MTUS2: variants seen among roughly 807,000 people sequenced by gnomAD.
MTUS2 encodes the protein microtubule associated scaffold protein 2.
MTUS2 carries 40 observed loss-of-function variants against 114.1 expected under a neutral mutation model. The observed-to-expected ratio is 0.35, with a 90% CI of 0.27 to 0.46. The LOEUF is 0.46. Among genes scored for constraint, MTUS2 ranks in the 20% least tolerant of loss-of-function variants. The probability of loss-of-function intolerance (pLI) is 1.00; values close to 1 mark genes in which losing one functional copy is unlikely to be tolerated. For synonymous variants in MTUS2, 688 were observed against 672.0 expected, an observed-to-expected ratio of 1.02 and a Z score of -0.37; for missense variants, 1,679 against 1,705.4, an observed-to-expected ratio of 0.98 and a Z score of 0.27.
Position 29,474,018 on chromosome 13 carries a change from A to G in MTUS2, c.3185-6132A>G, listed in dbSNP as rs186010080. 1.6e-3 allele frequency among the ~76,000 whole-genome samples: 246 copies of G among 152,330 alleles called. 2 individuals carry two copies. The highest frequency in any genetic ancestry group is 2.9e-3 in the Non-Finnish European group (200 of 68,032). ...ATTTCTTTAGGGACTCCATTATTGGAGCCATTTCCCCTGGTGCCAGCTGCT... is the reference window on the plus strand; with the variant it reads ...ATTTCTTTAGGGACTCCATTATTGGGGCCATTTCCCCTGGTGCCAGCTGCT... On this transcript the variant is annotated intron_variant, in intron 9 of 15. Transcript: ENST00000612955.
chr13:29,290,546 G>A (rs1188624640), intron 6 of MTUS2, among the ~76,000 whole-genome samples: 1 of 152,036 alleles, frequency 6.6e-6, no homozygotes, highest in Non-Finnish European at 1.5e-5. Flanking sequence ...TAGCCAGGAT[G>A]GTCTCGATCT....
chr13:28,960,527 A>T (rs1241958488), intron 2 of MTUS2, among the ~76,000 whole-genome samples: 1 of 152,248 alleles, frequency 6.6e-6, no homozygotes, highest in Non-Finnish European at 1.5e-5. Context: ...AGCCATAAAA[A>T]ATGAGGTATT....
At chr13:28,901,789 T>C (rs1406387073) in intron 2 of MTUS2, among the ~76,000 whole-genome samples, 1 of 152,134 alleles carries the variant, frequency 6.6e-6, no homozygotes, top group Non-Finnish European at 1.5e-5. Context: ...ATAGATAGAG[T>C]AGTTCTTCCT....
chr13:29,218,150 C>CAAACA (rs1555253134), intron 5 of MTUS2, among the ~76,000 whole-genome samples: 1 of 145,414 alleles, frequency 6.9e-6, no homozygotes, highest in African/African-American at 2.5e-5. Context: ...CAAAACAAAA[C>CAAACA]AAAAAAAAAA....
chr13:29,092,537 T>C (rs555203829), intron 4 of MTUS2, among the ~76,000 whole-genome samples: 11 of 152,304 alleles, frequency 7.2e-5, no homozygotes, highest in Admixed American at 5.9e-4. Flanking sequence ...AGTAACCTTA[T>C]TCATCTTGGA....
At chr13:29,329,178 A>G (rs1201800999) in intron 7 of MTUS2, among the ~76,000 whole-genome samples, 3 of 152,114 alleles carry the variant, frequency 2.0e-5, no homozygotes, top group Non-Finnish European at 2.9e-5. Context: ...CATGTAGAGG[A>G]TGTGCAGGTT....
At chr13:28,906,771 C>T (rs1431735723) in intron 2 of MTUS2, among the ~76,000 whole-genome samples, 4 of 151,482 alleles carry the variant, frequency 2.6e-5, no homozygotes, top group Admixed American at 1.3e-4. Flanking sequence ...TCTATTAGGT[C>T]TGCTTGGCGC....
intron 5 of MTUS2, among the ~76,000 whole-genome samples, chr13:29,148,472 CTTTTTT>C (rs976334425): frequency 5.6e-5 from 4 of 71,352 alleles, no homozygotes; most frequent in African/African-American, 1.1e-4. Flanking sequence ...GTTTGGTTTT[CTTTTTT>C]TTTTTTTTTT....
At chr13:29,163,790 C>G (rs1893199494) in intron 5 of MTUS2, among the ~76,000 whole-genome samples, 1 of 152,138 alleles carries the variant, frequency 6.6e-6, no homozygotes, top group South Asian at 2.1e-4. Flanking sequence ...ACATTGCAAC[C>G]TATGCATGAG....
chr13:29,066,571 T>C (rs1344291566), intron 4 of MTUS2, among the ~76,000 whole-genome samples: 1 of 152,210 alleles, frequency 6.6e-6, no homozygotes, highest in African/African-American at 2.4e-5. Context: ...ACTACAACTC[T>C]TTTTACAAAA....
At position 29,208,931 on chromosome 13, in the gene MTUS2, C is replaced by T. The variant is rs144050649; in HGVS notation, c.2645-72773C>T. On this transcript the variant is annotated intron_variant, in intron 5 of 15. Transcript: ENST00000612955. The stretch of plus-strand genomic sequence containing the variant: ...GCTGGGTAGAATGTTCTCTAAATAT[C>T]TAAGTCCATTTTTTCTAGGGTATAG... 1.6e-3 allele frequency among the ~76,000 whole-genome samples: 241 copies of T among 152,142 alleles called. 1 individual carries two copies. Among genetic ancestry groups the T allele is most frequent in the Non-Finnish European group, 2.6e-3 (177 of 67,936 alleles).
intron 9 of MTUS2, among the ~76,000 whole-genome samples, chr13:29,476,202 G>A (rs922059634): frequency 6.6e-6 from 1 of 152,230 alleles, no homozygotes; most frequent in East Asian, 1.9e-4. Flanking sequence ...GCCTCGGTGG[G>A]TAGTAGGCTA....
chr13:29,362,700 T>A (rs138877270), intron 8 of MTUS2, among the ~76,000 whole-genome samples: 212 of 152,298 alleles, frequency 1.4e-3, no homozygotes, highest in African/African-American at 4.8e-3. Context: ...ATACATTTTT[T>A]AAAATGAAAA....
rs559641788 is a variant in MTUS2 at position 29,067,933 on chromosome 13, G to C, written c.2447-32840G>C. 3.7e-5 allele frequency among the ~76,000 whole-genome samples: 5 copies of C among 134,810 alleles called. No individual in the cohort carries two copies. In the South Asian group the frequency reaches 1.1e-3, roughly 30 times the overall value. The allele number at this position is 134,810 out of a possible 152,430, so 88.4% of individuals were successfully genotyped here. On this transcript the variant is annotated intron_variant, in intron 4 of 15. Coordinates refer to ENST00000612955, the MANE Select transcript of MTUS2 (RefSeq NM_001033602.4). ...AAACAGAGTGGGCAAAGATTCCTGT[G>C]AGAAGAATAAAAACAATTAATTGAT... is the stretch of plus-strand genomic sequence containing the variant.
intron 2 of MTUS2, among the ~76,000 whole-genome samples, chr13:28,893,820 T>A (rs1487376071): frequency 6.6e-6 from 1 of 152,158 alleles, no homozygotes; most frequent in African/African-American, 2.4e-5. Flanking sequence ...TATCCTTGAG[T>A]TGTGAGTCTT....
intron 15 of MTUS2, among the ~76,000 whole-genome samples, chr13:29,502,699 C>G (rs2139030015): frequency 6.6e-6 from 1 of 152,388 alleles, no homozygotes; most frequent in African/African-American, 2.4e-5. Context: ...TCTCCGCTTC[C>G]CTCCTTTCAG....
intron 5 of MTUS2, among the ~76,000 whole-genome samples, chr13:29,199,748 A>G (rs542050911): frequency 6.6e-6 from 1 of 151,614 alleles, no homozygotes; most frequent in East Asian, 1.9e-4. Context: ...TGTTGTTTGG[A>G]ATAGTTTCAG....
intron 5 of MTUS2, among the ~76,000 whole-genome samples, chr13:29,202,001 GGA>G (rs1253648056): frequency 1.3e-5 from 2 of 152,122 alleles, no homozygotes; most frequent in Non-Finnish European, 2.9e-5. Context: ...CTCTTCTCGA[GGA>G]GTATCTTAGT....
intron 2 of MTUS2, among the ~76,000 whole-genome samples, chr13:29,000,522 C>G (rs1429229171): frequency 6.6e-6 from 1 of 151,622 alleles, no homozygotes; most frequent in Admixed American, 6.6e-5. Flanking sequence ...GCCACCACAC[C>G]CGGGTAATTT....
Sources: allele counts gnomAD v4.1 joint callset (sites outside exome capture counted in the v4.1 genomes callset), GRCh38; gene constraint gnomAD v4.1.1; transcripts MANE v1.5; gene names NCBI Gene and HGNC (gene_info 2026-07-23, HGNC 2026-07-21).